Variants in BPI observed in about 807,000 individuals in gnomAD.
BPI encodes bactericidal permeability increasing protein, also known as bactericidal permeability-increasing protein.
Under a neutral mutation model 57.6 loss-of-function variants are expected in BPI, and 48 were observed. The observed-to-expected ratio is 0.83, with a 90% CI of 0.66 to 1.06. The LOEUF (loss-of-function observed/expected upper bound fraction) is 1.06. Ranked by LOEUF, BPI falls within the 50% of genes least tolerant of loss-of-function variation. BPI has a pLI of 0.00. For missense variants in BPI, 651 were observed against 609.7 expected (o/e 1.07, Z -0.71); for synonymous variants, 237 against 238.2 (o/e 0.99, Z 0.05).
At chr20:38,327,396 G>A (rs1317677685) in intron 10 of BPI, among the ~76,000 whole-genome samples, 192 bp from the exon 11 acceptor site, 1 of 152,176 alleles carries the variant, frequency 6.6e-6, no homozygotes, top group Non-Finnish European at 1.5e-5. Flanking sequence ...GAGAGAAAAT[G>A]GAAATTGACA....
intron 8 of BPI, 111 bp downstream of exon 8, chr20:38,324,157 T>C: frequency 7.6e-7 from 1 of 1,317,022 alleles, no homozygotes; most frequent in Non-Finnish European, 1.0e-6. Context: ...GTTAAAGTGT[T>C]GACTCTAGAG....
At position 38,331,051 on chromosome 20, in the gene BPI, G is replaced by A. The variant is rs780928668; in HGVS notation, c.1233G>A (p.Leu411=). 6.2e-7 allele frequency: 1 copy of A among 1,614,120 alleles called. No individual in the cohort carries two copies. The highest frequency in any genetic ancestry group is 8.5e-7 in the Non-Finnish European group (1 of 1,180,008). ...RLVGELKLDR[L]LLELKHSNIG... Reference sequence around the variant, plus strand: ...TCCCCTCCTCCCCCTCTCACAGGCTGCTCCTGGAACTGAAGCACTCAAATA... The same window carrying A: ...TCCCCTCCTCCCCCTCTCACAGGCTACTCCTGGAACTGAAGCACTCAAATA... Residue 411 remains leucine (L), a synonymous_variant, in exon 12 of 15, where the codon CTG becomes CTA. Coordinates refer to ENST00000642449, the MANE Select transcript of BPI (RefSeq NM_001725.3).
chr20:38,331,839 G>C (rs1221566822), intron 12 of BPI, among the ~76,000 whole-genome samples: 1 of 137,692 alleles, frequency 7.3e-6, no homozygotes, highest in East Asian at 2.5e-4. Flanking sequence ...GTGAAATCTT[G>C]TCTCAAAAAA....
Position 38,335,606 on chromosome 20 carries a change from C to T in BPI, c.1345C>T (p.Gln449Ter). The change falls in exon 14 of 15, where the codon CAG becomes TAG. Residue 449 changes from glutamine (Q) to a stop codon, truncating the protein, a stop_gained. Transcript: ENST00000642449. LOFTEE classifies it high-confidence loss of function. ...ATCGGTCTCTGTCACAGAGAAACTA[C>T]AGAAAGGCTTCCCTCTCCCGACGCC... The part of the protein sequence containing the change: ...LVLPRVNEKL[Q>*]KGFPLPTPAR... 2 of 1,614,098 alleles carry T rather than the reference C, an allele frequency of 1.2e-6. No individual in the cohort carries two copies. The highest frequency in any genetic ancestry group is 1.7e-6 in the Non-Finnish European group (2 of 1,179,926).
At chr20:38,328,308 T>C (rs931544993) in intron 11 of BPI, among the ~76,000 whole-genome samples, 12 of 152,126 alleles carry the variant, frequency 7.9e-5, no homozygotes, top group African/African-American at 2.9e-4. Context: ...ATCCCAGCAC[T>C]GTGGGAGGCT....
At chr20:38,334,577 C>T in intron 13 of BPI, 84 bp downstream of exon 13, 1 of 1,371,568 alleles carries the variant, frequency 7.3e-7, no homozygotes, top group Non-Finnish European at 1.0e-6. Context: ...TGTTACCTGG[C>T]CCCAGGTATG....
At chr20:38,337,048 C>G (rs1435339042) in intron 14 of BPI, 98 bp from the exon 15 acceptor site, 4 of 1,272,892 alleles carry the variant, frequency 3.1e-6, no homozygotes, top group South Asian at 2.6e-5. Context: ...TCCTAAGAGG[C>G]AGGCTCCCAA....
At chr20:38,320,350 C>A in intron 7 of BPI, 76 bp downstream of exon 7, 1 of 1,318,246 alleles carries the variant, frequency 7.6e-7, no homozygotes, top group Non-Finnish European at 1.1e-6. Context: ...TCCTTGGAAA[C>A]AAACTTAACA....
intron 1 of BPI, among the ~76,000 whole-genome samples, chr20:38,304,775 T>C (rs1205639513): frequency 6.6e-6 from 1 of 152,198 alleles, no homozygotes; most frequent in Non-Finnish European, 1.5e-5. Flanking sequence ...CTCTCCCCAC[T>C]GCAGGGGCTG....
intron 7 of BPI, among the ~76,000 whole-genome samples, chr20:38,322,010 T>C (rs2076688703): frequency 6.6e-6 from 1 of 152,216 alleles, no homozygotes; most frequent in African/African-American, 2.4e-5. Flanking sequence ...ATTTTGCATG[T>C]GTCATATTAT....
intron 10 of BPI, chr20:38,326,681 A>G (rs577273381): frequency 1.1e-5 from 5 of 447,616 alleles, no homozygotes; most frequent in African/African-American, 8.0e-5. Context: ...CATTCATTCA[A>G]TTATTCATTC....
At chr20:38,305,152 C>T (rs981708610) in intron 1 of BPI, among the ~76,000 whole-genome samples, 2 of 152,022 alleles carry the variant, frequency 1.3e-5, no homozygotes, top group Non-Finnish European at 2.9e-5. Flanking sequence ...AGTTGGGGTG[C>T]GTTGGGAAAA....
At position 38,304,305 on chromosome 20, in the gene BPI, G is replaced by T. The variant is rs776005510; in HGVS notation, c.82G>T (p.Val28Phe). The T allele has an allele frequency of 1.2e-6, 2 of 1,614,132 alleles. No individual in the cohort carries two copies. The highest frequency in any genetic ancestry group is 1.7e-6 in the Non-Finnish European group (2 of 1,180,036). The change falls in exon 1 of 15, where the codon GTC (valine) becomes TTC (phenylalanine). Residue 28 changes from valine (V) to phenylalanine (F), a missense_variant. By Grantham distance (50) the Val-to-Phe change is conservative. Coordinates refer to ENST00000642449, the MANE Select transcript of BPI (RefSeq NM_001725.3). ...VAIGTAVTAA[V>F]NPGVVVRISQ... ...CATAGGCACCGCCGTGACAGCGGCC[G>T]TCAACCCTGGCGTCGTGGTCAGGAT...
intron 5 of BPI, chr20:38,317,675 A>G (rs1031576961): frequency 3.8e-6 from 3 of 793,376 alleles, no homozygotes; most frequent in African/African-American, 1.7e-5. Context: ...AAGTTCACAG[A>G]CTCCATCTCT....
At chr20:38,334,564 A>G (rs2076757943) in intron 13 of BPI, 71 bp downstream of exon 13, 1 of 1,459,586 alleles carries the variant, frequency 6.9e-7, no homozygotes, top group Non-Finnish European at 9.6e-7. Flanking sequence ...ACCCACAGCC[A>G]CCTGTTACCT....
intron 5 of BPI, among the ~76,000 whole-genome samples, chr20:38,316,994 C>T (rs6099106): frequency 0.68 from 103,738 of 151,654 alleles, 36,772 homozygotes; most frequent in African/African-American, 0.87. Context: ...GAAAAGCCTG[C>T]AGGGGATAGG....
chr20:38,318,506 A>G (rs1568813413), intron 6 of BPI, 30 bp downstream of exon 6: 2 of 1,603,060 alleles, frequency 1.2e-6, no homozygotes, highest in Non-Finnish European at 1.7e-6. Flanking sequence ...CAAGGATAGA[A>G]AGGAACAGAA....
Position 38,311,925 on chromosome 20 carries a change from G to A in BPI, c.588G>A (p.Lys196=), listed in dbSNP as rs758817965. 1.9e-6 allele frequency: 3 copies of A among 1,614,008 alleles called. No homozygotes were observed. The highest frequency in any genetic ancestry group is 2.5e-6 in the Non-Finnish European group (3 of 1,179,990). Residue 196 remains lysine, a synonymous_variant, in exon 5 of 15, where the codon AAG becomes AAA. Coordinates refer to ENST00000642449, the MANE Select transcript of BPI (RefSeq NM_001725.3). ...AAATTGAGTCTGCGCTTCGAAACAA[G>A]ATGAACAGCCAGGTAGGAGGGGCTC... ...HKKIESALRN[K]MNSQVCEKVT... is the part of the protein sequence containing the mutation.
At chr20:38,310,211 G>T (rs1343124286) in intron 3 of BPI, among the ~76,000 whole-genome samples, 2 of 152,336 alleles carry the variant, frequency 1.3e-5, no homozygotes, top group South Asian at 4.1e-4. Flanking sequence ...AGCTCAGAGA[G>T]GTAAGAAACA....
Sources: allele counts gnomAD v4.1 joint callset (sites outside exome capture counted in the v4.1 genomes callset), GRCh38; gene constraint gnomAD v4.1.1; transcripts MANE v1.5; gene names NCBI Gene and HGNC (gene_info 2026-07-23, HGNC 2026-07-21).